The following PPP1R9A variants were observed in gnomAD, a reference collection of about 807,000 sequenced individuals.
The protein encoded by PPP1R9A is protein phosphatase 1 regulatory subunit 9A, also known as neurabin-1.
PPP1R9A carries 59 observed loss-of-function variants against 141.9 expected under a neutral mutation model. The ratio of observed to expected loss-of-function variants is 0.42; its 90% CI spans 0.34 to 0.52. The LOEUF is 0.52. Ranked by LOEUF, PPP1R9A falls within the 20% of genes least tolerant of loss-of-function variation. The pLI, the probability that PPP1R9A is intolerant of heterozygous loss-of-function variation, is 0.10. For missense variants in PPP1R9A, 1,444 were observed against 1,611.9 expected (o/e 0.90, Z 1.78); for synonymous variants, 500 against 569.7 (o/e 0.88, Z 1.74).
chr7:95,265,647 C>CTG lies in PPP1R9A; in HGVS notation c.2666-2902_2666-2901dup, dbSNP rs1378061761. 4.6e-5 allele frequency among the ~76,000 whole-genome samples: 7 copies of CTG among 152,124 alleles called. No individual in the cohort carries two copies. In the East Asian group the frequency reaches 9.7e-4, roughly 21 times the overall value. On this transcript the variant is annotated intron_variant, in intron 12 of 19. Transcript: ENST00000433360. ...GGACAGTATTCCTTCCAGCTTCCTT[C>CTG]TGGTGTAAATGCTATTAAGGCGAAA...
chr7:95,067,493 T>G (rs117791862), intron 2 of PPP1R9A, among the ~76,000 whole-genome samples: 1 of 152,236 alleles, frequency 6.6e-6, no homozygotes, highest in Non-Finnish European at 1.5e-5. Context: ...CACCAAAAAG[T>G]TATTCAAAAA....
chr7:95,266,624 A>G (rs921722414), intron 12 of PPP1R9A, among the ~76,000 whole-genome samples: 1 of 152,060 alleles, frequency 6.6e-6, no homozygotes, highest in Non-Finnish European at 1.5e-5. Flanking sequence ...TCAGGAGAGA[A>G]AAAAAATACT....
At chr7:94,935,828 C>T (rs562126109) in intron 2 of PPP1R9A, among the ~76,000 whole-genome samples, 9 of 152,224 alleles carry the variant, frequency 5.9e-5, no homozygotes, top group African/African-American at 1.9e-4. Flanking sequence ...TTTGCCATTT[C>T]ATTCTGGAAA....
chr7:94,988,704 T>G (rs562761532), intron 2 of PPP1R9A, among the ~76,000 whole-genome samples: 9 of 152,200 alleles, frequency 5.9e-5, no homozygotes, highest in African/African-American at 2.2e-4. Flanking sequence ...TCAAAATATA[T>G]GTTGAGAGTA....
chr7:95,094,140 A>G lies in PPP1R9A; in HGVS notation c.1396-17119A>G, dbSNP rs997525090. Among the ~76,000 whole-genome samples, 3 of 152,172 alleles carry G rather than the reference A, an allele frequency of 2.0e-5. No homozygotes were observed. In the East Asian group the frequency reaches 5.8e-4, roughly 29 times the overall value. ...GCAAACATATAACAAAATAGTAACA[A>G]TTTTTGGATGATAGGATGAGTGAAA... On this transcript the variant is annotated intron_variant, in intron 2 of 19. Transcript: ENST00000433360.
At chr7:95,072,928 CATATATATT>C (rs1211240753) in intron 2 of PPP1R9A, among the ~76,000 whole-genome samples, 4 of 119,280 alleles carry the variant, frequency 3.4e-5, no homozygotes, top group Non-Finnish European at 6.6e-5. Flanking sequence ...TTATATATTG[CATATATATT>C]ATATATATTA....
intron 4 of PPP1R9A, among the ~76,000 whole-genome samples, chr7:95,133,513 T>TTATATATATATATATATA (rs10570222): frequency 4.7e-4 from 62 of 132,682 alleles, no homozygotes; most frequent in South Asian, 9.8e-4. Flanking sequence ...TGCAGTCGTA[T>TTATATATATATATATATA]TATATATATA....
chr7:95,138,391 G>C (rs1215935152), intron 4 of PPP1R9A, among the ~76,000 whole-genome samples: 1 of 152,140 alleles, frequency 6.6e-6, no homozygotes, highest in African/African-American at 2.4e-5. Flanking sequence ...ATTAATTGTA[G>C]ATCTGGACAT....
At chr7:95,207,514 G>A (rs187402539) in intron 7 of PPP1R9A, among the ~76,000 whole-genome samples, 265 of 152,116 alleles carry the variant, frequency 1.7e-3, no homozygotes, top group African/African-American at 6.0e-3. Context: ...CAAAATATTA[G>A]CAAACCATAT....
At chr7:95,015,042 C>T (rs564070848) in intron 2 of PPP1R9A, among the ~76,000 whole-genome samples, 327 of 152,060 alleles carry the variant, frequency 2.2e-3, no homozygotes, top group Non-Finnish European at 3.9e-3. Flanking sequence ...TCATTGTATA[C>T]GGATCTCTTC....
rs1197487521 is a variant in PPP1R9A, at chr7:95,296,352, A to G, written c.*6049A>G. The stretch of plus-strand genomic sequence containing the variant: ...GTTAGTGTAAATAAATTTCTTGCCA[A>G]TGAGTATTATTGTTGTTAGACAACG... On this transcript the variant is annotated 3_prime_UTR_variant, in exon 20 of 20. Transcript: ENST00000433360. The G allele has an allele frequency of 6.6e-6, 1 of 152,658 alleles. No homozygotes were observed. Among genetic ancestry groups the G allele is most frequent in the Non-Finnish European group, 1.5e-5 (1 of 68,040 alleles). 9.5% of individuals were successfully genotyped at this position (152,658 alleles called of 1,614,324 possible).
In PPP1R9A at chr7:95,250,265, T is replaced by G. The variant is rs1430193903; in HGVS notation, c.2396+10T>G. 6.3e-7 allele frequency: 1 copy of G among 1,587,324 alleles called. No individual in the cohort carries two copies. ...AGGATTTTCAACAAAAGTAAGCCGC[T>G]TCTAATAACTAAAGAATAGTTATGT... On this transcript the variant is annotated intron_variant, in intron 10 of 19. Transcript: ENST00000433360.
rs996867008 is a variant in PPP1R9A, at chr7:95,015,246, A to T, written c.1396-96013A>T. Among the ~76,000 whole-genome samples the T allele has an allele frequency of 2.0e-5, 3 of 149,794 alleles. No homozygotes were observed. In the Admixed American group the frequency reaches 2.0e-4, roughly 10 times the overall value. On this transcript the variant is annotated intron_variant, in intron 2 of 19. Coordinates refer to ENST00000433360, the MANE Select transcript of PPP1R9A (RefSeq NM_001166160.2). ...TATATATACACACACACACACACACACATACACACACACATACATATACAT... is the reference window on the plus strand; with the variant it reads ...TATATATACACACACACACACACACTCATACACACACACATACATATACAT...
intron 2 of PPP1R9A, among the ~76,000 whole-genome samples, chr7:95,074,665 G>A (rs1319342391): frequency 2.0e-5 from 3 of 151,688 alleles, no homozygotes; most frequent in Non-Finnish European, 4.4e-5. Flanking sequence ...GTAGAGATGG[G>A]GTTTCTCCAT....
chr7:95,063,927 G>A (rs570663091), intron 2 of PPP1R9A, among the ~76,000 whole-genome samples: 11 of 152,286 alleles, frequency 7.2e-5, no homozygotes, highest in African/African-American at 2.6e-4. Context: ...GTTTTACCAT[G>A]TTAATTCACT....
intron 17 of PPP1R9A, among the ~76,000 whole-genome samples, chr7:95,285,698 A>G (rs1805174879): frequency 6.6e-6 from 1 of 152,162 alleles, no homozygotes; most frequent in Non-Finnish European, 1.5e-5. Context: ...CCCAGAACTC[A>G]TCATCTTGAA....
intron 5 of PPP1R9A, among the ~76,000 whole-genome samples, chr7:95,163,263 T>C (rs921976377): frequency 2.0e-5 from 3 of 152,256 alleles, no homozygotes; most frequent in Non-Finnish European, 4.4e-5. Context: ...TCTTGTGTTA[T>C]TATTTTCAGC....
intron 2 of PPP1R9A, among the ~76,000 whole-genome samples, chr7:95,073,726 C>T (rs932316480): frequency 1.6e-5 from 2 of 127,422 alleles, no homozygotes; most frequent in Non-Finnish European, 3.1e-5. Context: ...TATATAAATA[C>T]ATATATATAT....
At chr7:95,020,495 G>A (rs909245897) in intron 2 of PPP1R9A, among the ~76,000 whole-genome samples, 4 of 151,892 alleles carry the variant, frequency 2.6e-5, no homozygotes, top group Non-Finnish European at 5.9e-5. Context: ...AAGTTCTAGG[G>A]TACATGTGCA....
Sources: allele counts gnomAD v4.1 joint callset (sites outside exome capture counted in the v4.1 genomes callset), GRCh38; gene constraint gnomAD v4.1.1; transcripts MANE v1.5; gene names NCBI Gene and HGNC (gene_info 2026-07-23, HGNC 2026-07-21).